The following WDR72 variants were observed in gnomAD, a reference collection of about 807,000 sequenced individuals.
WDR72 encodes WD repeat-containing protein 72.
WDR72 carries 120 observed loss-of-function variants against 124.2 expected under a neutral mutation model. That is an observed-to-expected ratio of 0.97 (90% CI 0.83 to 1.12). The LOEUF (loss-of-function observed/expected upper bound fraction) is 1.12, where lower values mean the gene tolerates loss of function less well. WDR72 is among the 50% of genes most tolerant of loss of function. The pLI, the probability that WDR72 is intolerant of heterozygous loss-of-function variation, is 0.00. For missense variants in WDR72, 1,387 were observed against 1,278.8 expected, an observed-to-expected ratio of 1.08 and a Z score of -1.29; for synonymous variants, 452 against 441.7, an observed-to-expected ratio of 1.02 and a Z score of -0.29.
chr15:53,673,994 G>GA (rs531549813), intron 13 of WDR72, among the ~76,000 whole-genome samples: 1,515 of 145,148 alleles, frequency 0.01, 39 homozygotes, highest in African/African-American at 0.035. Flanking sequence ...TCCATCTCAA[G>GA]AAAAAAAAAA....
At chr15:53,578,946 C>A (rs537657825) in intron 18 of WDR72, among the ~76,000 whole-genome samples, 1 of 152,174 alleles carries the variant, frequency 6.6e-6, no homozygotes, top group South Asian at 2.1e-4. Flanking sequence ...ACCATAAAAA[C>A]CCGATTTCAT....
At chr15:53,666,844 T>C (rs2015796443) in intron 13 of WDR72, among the ~76,000 whole-genome samples, 1 of 152,208 alleles carries the variant, frequency 6.6e-6, no homozygotes, top group Non-Finnish European at 1.5e-5. Flanking sequence ...CCCACTCTTC[T>C]ATAGCCTTCT....
At chr15:53,621,332 T>C (rs2013980329) in intron 14 of WDR72, among the ~76,000 whole-genome samples, 1 of 151,208 alleles carries the variant, frequency 6.6e-6, no homozygotes, top group South Asian at 2.1e-4. Context: ...ATGAAAAAAA[T>C]ACTTGCACAA....
chr15:53,596,729 T>G (rs374636844), intron 18 of WDR72, among the ~76,000 whole-genome samples: 2 of 152,094 alleles, frequency 1.3e-5, no homozygotes, highest in Non-Finnish European at 2.9e-5. Context: ...CTTCAAACAT[T>G]TGACAATTAT....
At chr15:53,576,106 C>T (rs368077548) in intron 18 of WDR72, among the ~76,000 whole-genome samples, 1 of 152,132 alleles carries the variant, frequency 6.6e-6, no homozygotes, top group Non-Finnish European at 1.5e-5. Context: ...TGCTCCATCA[C>T]CTCACTTACA....
chr15:53,598,660 A>ATT (rs1253164115), intron 17 of WDR72, among the ~76,000 whole-genome samples: 1 of 152,086 alleles, frequency 6.6e-6, no homozygotes, highest in East Asian at 1.9e-4. Context: ...CTGATTGCTG[A>ATT]TTATCTCCCT....
rs7497195 is a variant in WDR72 at position 53,639,480 on chromosome 15, T to A, written c.1963-23237A>T. ...ATTAAAAATTATATAAAATAAAATT[T>A]TATATAATTTTATTTATTTATAAAA... On this transcript the variant is annotated intron_variant, in intron 14 of 19. Transcript: ENST00000360509. Among the ~76,000 whole-genome samples, 120 of 70,956 alleles carry A rather than the reference T, an allele frequency of 1.7e-3. 1 individual carries two copies. Among genetic ancestry groups the A allele is most frequent in the South Asian group, 4.4e-3 (8 of 1,810 alleles). 46.5% of individuals were successfully genotyped at this position (70,956 alleles called of 152,430 possible). A position where few individuals can be genotyped will look rare whatever the true frequency, so the allele number is the denominator to read the frequency against.
chr15:53,623,461 T>C (rs2014082539), intron 14 of WDR72, among the ~76,000 whole-genome samples: 1 of 151,630 alleles, frequency 6.6e-6, no homozygotes. Flanking sequence ...TTCTTTTTTA[T>C]GGCTAAATAG....
At chr15:53,546,633 G>T (rs1239367193) in intron 18 of WDR72, among the ~76,000 whole-genome samples, 1 of 151,992 alleles carries the variant, frequency 6.6e-6, no homozygotes, top group Non-Finnish European at 1.5e-5. Flanking sequence ...CCTGCACAAT[G>T]TGCACACATA....
intron 1 of WDR72, among the ~76,000 whole-genome samples, chr15:53,740,428 C>T (rs1019576406): frequency 5.9e-5 from 9 of 151,882 alleles, no homozygotes; most frequent in Non-Finnish European, 1.3e-4. Flanking sequence ...TTGCCTCAGT[C>T]TCCCGAATAG....
At chr15:53,682,414 G>A (rs1035581752) in intron 13 of WDR72, among the ~76,000 whole-genome samples, 2 of 152,064 alleles carry the variant, frequency 1.3e-5, no homozygotes, top group Admixed American at 6.6e-5. Flanking sequence ...TATATACAAC[G>A]AGACTTACAT....
intron 14 of WDR72, among the ~76,000 whole-genome samples, chr15:53,634,489 A>T (rs1205413548): frequency 6.6e-6 from 1 of 152,188 alleles, no homozygotes; most frequent in East Asian, 1.9e-4. Flanking sequence ...ATGATAGTTG[A>T]TTAGCTAAAA....
chr15:53,734,159 C>T (rs915492761), intron 1 of WDR72, among the ~76,000 whole-genome samples: 1 of 152,118 alleles, frequency 6.6e-6, no homozygotes, highest in Non-Finnish European at 1.5e-5. Flanking sequence ...TCTACACACA[C>T]ACACACACAA....
chr15:53,679,805 C>T (rs575130386), intron 13 of WDR72, among the ~76,000 whole-genome samples: 4 of 152,204 alleles, frequency 2.6e-5, no homozygotes, highest in East Asian at 3.9e-4. Flanking sequence ...TTATCCAAAA[C>T]ATTTGAGACC....
chr15:53,754,685 A>G (rs1212611707), intron 1 of WDR72, among the ~76,000 whole-genome samples: 1 of 152,108 alleles, frequency 6.6e-6, no homozygotes, highest in Non-Finnish European at 1.5e-5. Flanking sequence ...CCTTGTTTGT[A>G]TTTCTTGGAG....
At chr15:53,573,462 A>G (rs1894631566) in intron 18 of WDR72, among the ~76,000 whole-genome samples, 1 of 152,062 alleles carries the variant, frequency 6.6e-6, no homozygotes, top group Admixed American at 6.6e-5. Context: ...TTGCTATTCC[A>G]TAAATGTCAT....
chr15:53,595,616 C>T (rs989771418), intron 18 of WDR72, among the ~76,000 whole-genome samples: 3 of 152,086 alleles, frequency 2.0e-5, no homozygotes, highest in African/African-American at 4.8e-5. Flanking sequence ...TGAGAGTTAA[C>T]AAACAATGAA....
rs527467773 is a variant in WDR72 at position 53,702,499 on chromosome 15, T to C, written c.1349-145A>G. ...GGCTAAGAAAACTAGTGAACATCCT[T>C]AGATCATCTTGAAAAACAAGTGCCT... On this transcript the variant is annotated intron_variant, in intron 11 of 19. Coordinates refer to ENST00000360509, the MANE Select transcript of WDR72 (RefSeq NM_182758.4). The C allele has an allele frequency of 1.9e-4, 127 of 671,782 alleles. 1 individual carries two copies. The highest frequency in any genetic ancestry group is 1.6e-3 in the Middle Eastern group (4 of 2,438). 41.6% of individuals were successfully genotyped at this position (671,782 alleles called of 1,614,324 possible).
chr15:53,552,612 C>G (rs1212371287), intron 18 of WDR72, among the ~76,000 whole-genome samples: 2 of 152,068 alleles, frequency 1.3e-5, no homozygotes, highest in Non-Finnish European at 2.9e-5. Context: ...TTTAACTGTT[C>G]TTCTTTCACT....
Sources: allele counts gnomAD v4.1 joint callset (sites outside exome capture counted in the v4.1 genomes callset), GRCh38; gene constraint gnomAD v4.1.1; transcripts MANE v1.5; gene names NCBI Gene and HGNC (gene_info 2026-07-23, HGNC 2026-07-21).